PDE4D: variants seen among roughly 807,000 people sequenced by gnomAD.
PDE4D encodes the protein 3',5'-cyclic-AMP phosphodiesterase 4D.
Under a neutral mutation model 87.4 loss-of-function variants are expected in PDE4D, and 24 were observed. The ratio of observed to expected loss-of-function variants is 0.27; its 90% CI spans 0.20 to 0.39. The LOEUF (loss-of-function observed/expected upper bound fraction) is 0.39. PDE4D is among the 10% of genes least tolerant of loss of function. The probability of loss-of-function intolerance (pLI) is 1.00; values close to 1 mark genes in which losing one functional copy is unlikely to be tolerated. For missense variants in PDE4D, 714 were observed against 1,041.0 expected (o/e 0.69, Z 4.32); for synonymous variants, 384 against 383.2 (o/e 1.00, Z -0.02).
intron 1 of PDE4D, among the ~76,000 whole-genome samples, chr5:59,844,250 C>T (rs1743494007): frequency 6.6e-6 from 1 of 152,008 alleles, no homozygotes; most frequent in Non-Finnish European, 1.5e-5. Flanking sequence ...AATTTTAGAA[C>T]TAAGAAAAGG....
At chr5:60,407,719 C>G (rs1308802929) in intron 1 of PDE4D, among the ~76,000 whole-genome samples, 1 of 152,020 alleles carries the variant, frequency 6.6e-6, no homozygotes, top group East Asian at 1.9e-4. Flanking sequence ...TCCCAAAGTG[C>G]TGAGATTACA....
chr5:59,431,990 A>C (rs1254368247), intron 1 of PDE4D, among the ~76,000 whole-genome samples: 1 of 152,002 alleles, frequency 6.6e-6, no homozygotes, highest in Non-Finnish European at 1.5e-5. Context: ...AGTATTTACC[A>C]TTTCTATTCA....
At chr5:59,113,815 A>AT (rs1773095664) in intron 5 of PDE4D, among the ~76,000 whole-genome samples, 1 of 152,196 alleles carries the variant, frequency 6.6e-6, no homozygotes, top group Non-Finnish European at 1.5e-5. Context: ...AAGAACAATA[A>AT]TGTATCCAAT....
At chr5:60,219,119 G>C (rs1031480859) in intron 1 of PDE4D, among the ~76,000 whole-genome samples, 1 of 152,032 alleles carries the variant, frequency 6.6e-6, no homozygotes, top group Non-Finnish European at 1.5e-5. Flanking sequence ...GCATGTCTAG[G>C]CAAATATACA....
intron 1 of PDE4D, among the ~76,000 whole-genome samples, chr5:59,471,408 T>C (rs986931488): frequency 6.6e-6 from 1 of 152,240 alleles, no homozygotes; most frequent in Non-Finnish European, 1.5e-5. Context: ...AAGCTAACAG[T>C]GCTGGTCAGG....
At chr5:59,894,421 G>A (rs572232580), upstream of PDE4D, among the ~76,000 whole-genome samples, 1 of 152,308 alleles carries the variant, frequency 6.6e-6, no homozygotes, top group Non-Finnish European at 1.5e-5. Context: ...AGATCCAATA[G>A]TAAGATTAAT....
intron 1 of PDE4D, among the ~76,000 whole-genome samples, chr5:59,282,907 A>T (rs1766128165): frequency 1.3e-5 from 2 of 152,166 alleles, no homozygotes; most frequent in Admixed American, 1.3e-4. Context: ...GTTTTCTCTA[A>T]TGTAAAACAG....
At position 59,322,773 on chromosome 5, in the gene PDE4D, T is replaced by C. The variant is rs146140863; in HGVS notation, c.456-106805A>G. ...GTATTGAACATTTCTACTTGCCACA[T>C]TGGGAGTTGTAAACTGTGCCACAAG... On this transcript the variant is annotated intron_variant, in intron 1 of 14. Coordinates refer to ENST00000340635, the MANE Select transcript of PDE4D (RefSeq NM_001104631.2). Among the ~76,000 whole-genome samples, 256 of 152,190 alleles carry C rather than the reference T, an allele frequency of 1.7e-3. 2 individuals carry two copies. Among genetic ancestry groups the C allele is most frequent in the African/African-American group, 5.5e-3 (228 of 41,540 alleles).
intron 1 of PDE4D, among the ~76,000 whole-genome samples, chr5:59,467,250 A>G (rs927732004): frequency 6.6e-6 from 1 of 152,182 alleles, no homozygotes. Flanking sequence ...AAATTAACAC[A>G]TGGATTCTAT....
chr5:59,941,180 T>C (rs1326156555), intron 3 of PDE4D, among the ~76,000 whole-genome samples: 1 of 152,206 alleles, frequency 6.6e-6, no homozygotes, highest in East Asian at 1.9e-4. Context: ...CTGAGTTTGC[T>C]ATCAGGGAGG....
intron 2 of PDE4D, among the ~76,000 whole-genome samples, chr5:60,098,392 TATTA>T (rs1310748361): frequency 6.6e-6 from 1 of 151,974 alleles, no homozygotes; most frequent in East Asian, 1.9e-4. Context: ...ATGTTAACAA[TATTA>T]ATTCTTCTAA....
At chr5:60,434,456 T>A (rs1744606563) in intron 1 of PDE4D, among the ~76,000 whole-genome samples, 1 of 151,938 alleles carries the variant, frequency 6.6e-6, no homozygotes, top group Non-Finnish European at 1.5e-5. Context: ...TTAATATTTG[T>A]GTGTTTTAAA....
At chr5:59,229,227 A>G (rs535543824) in intron 1 of PDE4D, among the ~76,000 whole-genome samples, 68 of 152,288 alleles carry the variant, frequency 4.5e-4, no homozygotes, top group African/African-American at 1.6e-3. Context: ...TGCTCAATAA[A>G]TATTTGTATC....
chr5:59,261,221 G>A (rs748297277), intron 1 of PDE4D, among the ~76,000 whole-genome samples: 11 of 151,782 alleles, frequency 7.2e-5, no homozygotes, highest in Admixed American at 4.6e-4. Context: ...GGACATAAAT[G>A]CCATTTCCTT....
At chr5:60,405,682 G>T (rs898833648) in intron 1 of PDE4D, among the ~76,000 whole-genome samples, 2 of 152,174 alleles carry the variant, frequency 1.3e-5, no homozygotes, top group Non-Finnish European at 1.5e-5. Context: ...TATTTGAAAA[G>T]GAATATTTGC....
At chr5:59,083,998 G>A (rs887919683) in intron 5 of PDE4D, among the ~76,000 whole-genome samples, 2 of 151,762 alleles carry the variant, frequency 1.3e-5, no homozygotes, top group African/African-American at 2.4e-5. Context: ...TTTTTGGGGG[G>A]GACTTGACAA....
intron 1 of PDE4D, among the ~76,000 whole-genome samples, chr5:59,550,391 C>A (rs1817918153): frequency 6.6e-6 from 1 of 151,940 alleles, no homozygotes; most frequent in Non-Finnish European, 1.5e-5. Flanking sequence ...AGGATAAATT[C>A]TTCAAAGTAA....
At chr5:60,400,540 A>G (rs1379256985) in intron 1 of PDE4D, among the ~76,000 whole-genome samples, 1 of 151,266 alleles carries the variant, frequency 6.6e-6, no homozygotes, top group Non-Finnish European at 1.5e-5. Context: ...AAAAAAAAAA[A>G]AAAAGAAATA....
chr5:59,091,424 T>A (rs1416227282), intron 5 of PDE4D, among the ~76,000 whole-genome samples: 2 of 152,088 alleles, frequency 1.3e-5, no homozygotes, highest in African/African-American at 4.8e-5. Context: ...GTGGTTCCTT[T>A]ATACAACAGA....
Sources: allele counts gnomAD v4.1 joint callset (sites outside exome capture counted in the v4.1 genomes callset), GRCh38; gene constraint gnomAD v4.1.1; transcripts MANE v1.5; gene names NCBI Gene and HGNC (gene_info 2026-07-23, HGNC 2026-07-21).